Variants in DYNLL1 observed in about 807,000 individuals in gnomAD.
DYNLL1 encodes the protein dynein light chain 1, cytoplasmic.
A neutral mutation model predicts 10.1 loss-of-function variants in DYNLL1; 3 were observed. The observed-to-expected ratio is 0.30, with a 90% CI of 0.14 to 0.77. The LOEUF is 0.77. Among genes scored for constraint, DYNLL1 ranks in the 30% least tolerant of loss-of-function variants. The pLI is 0.66. For missense variants in DYNLL1, 47 were observed against 111.7 expected (o/e 0.42, Z 2.61); for synonymous variants, 46 against 41.2 (o/e 1.12, Z -0.45).
upstream of DYNLL1, among the ~76,000 whole-genome samples, chr12:120,493,604 TTTTA>T (rs1158292793): frequency 6.6e-6 from 1 of 151,232 alleles, no homozygotes; most frequent in Non-Finnish European, 1.5e-5. Flanking sequence ...CAGTATTATT[TTTTA>T]TTTTTTATTT....
intron 1 of DYNLL1, among the ~76,000 whole-genome samples, chr12:120,487,884 G>C (rs1879033403): frequency 6.6e-6 from 1 of 152,160 alleles, no homozygotes; most frequent in Non-Finnish European, 1.5e-5. Flanking sequence ...ACTGGTTACA[G>C]AGAATAGGAA....
intron 1 of DYNLL1, among the ~76,000 whole-genome samples, chr12:120,485,491 T>C (rs2137063313): frequency 1.3e-5 from 2 of 152,028 alleles, no homozygotes; most frequent in South Asian, 4.2e-4. Context: ...CCCGACCTCG[T>C]GATCCACCTG....
intron 1 of DYNLL1, among the ~76,000 whole-genome samples, chr12:120,481,587 G>T (rs948634050): frequency 6.6e-6 from 1 of 152,192 alleles, no homozygotes; most frequent in African/African-American, 2.4e-5. Context: ...GCAAGGCATG[G>T]GGCGGGGCAC....
chr12:120,496,065 A>G (rs895665543), upstream of DYNLL1: 1 of 387,264 alleles, frequency 2.6e-6, no homozygotes, highest in Non-Finnish European at 4.8e-6. Context: ...CGGCGGGAGC[A>G]GGGCGGGGCC....
intron 1 of DYNLL1, among the ~76,000 whole-genome samples, chr12:120,473,621 G>C (rs1485632016): frequency 1.3e-5 from 2 of 150,730 alleles, no homozygotes; most frequent in East Asian, 3.9e-4. Flanking sequence ...CTTGAACCCG[G>C]GAGGCAGAGG....
At chr12:120,478,274 AT>A (rs1878800476) in intron 1 of DYNLL1, among the ~76,000 whole-genome samples, 1 of 149,456 alleles carries the variant, frequency 6.7e-6, no homozygotes, top group South Asian at 2.1e-4. Flanking sequence ...CGCCCAGCTA[AT>A]TTTGTATTTT....
intron 1 of DYNLL1, among the ~76,000 whole-genome samples, chr12:120,483,844 G>C (rs375275299): frequency 1.6e-4 from 25 of 152,246 alleles, no homozygotes; most frequent in African/African-American, 5.5e-4. Flanking sequence ...AGGAGCCTGA[G>C]GTGGAGCAGC....
intron 1 of DYNLL1, among the ~76,000 whole-genome samples, chr12:120,472,891 A>C (rs981546857): frequency 6.6e-6 from 1 of 152,206 alleles, no homozygotes; most frequent in Non-Finnish European, 1.5e-5. Context: ...TTGCAGTTAG[A>C]ACACAAATGA....
At chr12:120,477,791 A>T (rs373788710) in intron 1 of DYNLL1, among the ~76,000 whole-genome samples, 7 of 151,398 alleles carry the variant, frequency 4.6e-5, no homozygotes, top group South Asian at 4.2e-4. Flanking sequence ...ATAAAGTAAA[A>T]ATATATATAT....
chr12:120,478,739 G>T (rs1878810953), intron 1 of DYNLL1, among the ~76,000 whole-genome samples: 1 of 150,556 alleles, frequency 6.6e-6, no homozygotes, highest in Non-Finnish European at 1.5e-5. Context: ...AGGCTGGAGT[G>T]CAATGGCACA....
intron 1 of DYNLL1, among the ~76,000 whole-genome samples, chr12:120,472,558 T>C (rs753863549): frequency 3.9e-5 from 6 of 152,050 alleles, no homozygotes; most frequent in Non-Finnish European, 8.8e-5. Flanking sequence ...GTCCTACCAC[T>C]CCTATGTGAT....
At chr12:120,480,732 T>C (rs1283978219) in intron 1 of DYNLL1, among the ~76,000 whole-genome samples, 5 of 152,126 alleles carry the variant, frequency 3.3e-5, no homozygotes, top group Non-Finnish European at 7.4e-5. Context: ...TTGTCTCCCA[T>C]TATGCCTTTT....
At chr12:120,492,454 C>G (rs1879155954), upstream of DYNLL1, among the ~76,000 whole-genome samples, 2 of 152,222 alleles carry the variant, frequency 1.3e-5, 1 homozygote, top group South Asian at 4.1e-4. The surrounding 1 kb of genome is among the most constrained non-coding windows in gnomAD (Gnocchi z 4.1). Context: ...GTAATCCCAG[C>G]TACTCGGGAG....
chr12:120,484,724 A>G (rs1241530198), intron 1 of DYNLL1, among the ~76,000 whole-genome samples: 1 of 151,694 alleles, frequency 6.6e-6, no homozygotes, highest in Non-Finnish European at 1.5e-5. Context: ...GATTGTTTCA[A>G]GAAGTTATGC....
At chr12:120,476,887 C>T (rs1878765209) in intron 1 of DYNLL1, among the ~76,000 whole-genome samples, 2 of 151,926 alleles carry the variant, frequency 1.3e-5, no homozygotes, top group Non-Finnish European at 2.9e-5. Flanking sequence ...GCTGGGATTA[C>T]AGGCATGAGC....
At chr12:120,472,225 T>C (rs1365537074) in intron 1 of DYNLL1, among the ~76,000 whole-genome samples, 1 of 152,156 alleles carries the variant, frequency 6.6e-6, no homozygotes, top group African/African-American at 2.4e-5. Context: ...TGTGGAGATA[T>C]CTCTTGATGG....
chr12:120,480,032 T>G (rs1036965634), intron 1 of DYNLL1, among the ~76,000 whole-genome samples: 2 of 152,162 alleles, frequency 1.3e-5, no homozygotes, highest in African/African-American at 2.4e-5. Flanking sequence ...GGTCTCACAG[T>G]GTCCAAAGGA....
upstream of DYNLL1, chr12:120,494,051 A>C (rs1879204637): frequency 6.6e-6 from 1 of 152,160 alleles, no homozygotes; most frequent in East Asian, 1.9e-4. Flanking sequence ...TGATTTAGGA[A>C]ATTTCCCTGG....
chr12:120,478,285 T>G (rs1878800733), intron 1 of DYNLL1, among the ~76,000 whole-genome samples: 1 of 151,650 alleles, frequency 6.6e-6, no homozygotes, highest in South Asian at 2.1e-4. Flanking sequence ...TTTTGTATTT[T>G]TAGTAGAGAC....
Sources: gnomAD v4.1 joint callset for allele counts (sites outside exome capture counted in the v4.1 genomes callset) on GRCh38, gnomAD v4.1.1 for gene constraint, Gnocchi (gnomAD v3.1) non-coding constraint, MANE v1.5 for transcripts, NCBI Gene and HGNC (gene_info 2026-07-23, HGNC 2026-07-21) for gene names.